The following TRABD2B variants were observed in gnomAD, a reference collection of about 807,000 sequenced individuals.
TRABD2B encodes metalloprotease TIKI2.
TRABD2B carries 14 observed loss-of-function variants against 40.1 expected under a neutral mutation model. The observed-to-expected ratio is 0.35, with a 90% CI of 0.23 to 0.55. TRABD2B has a LOEUF of 0.55. TRABD2B is among the 20% of genes least tolerant of loss of function. The pLI, the probability that TRABD2B is intolerant of heterozygous loss-of-function variation, is 0.90. For missense variants in TRABD2B, 541 were observed against 648.6 expected, an observed-to-expected ratio of 0.83 and a Z score of 1.80; for synonymous variants, 263 against 277.0, an observed-to-expected ratio of 0.95 and a Z score of 0.50.
chr1:47,801,962 C>A (rs911187703), intron 2 of TRABD2B, among the ~76,000 whole-genome samples: 3 of 152,170 alleles, frequency 2.0e-5, no homozygotes, highest in African/African-American at 7.2e-5. Context: ...CTTTGTGTTC[C>A]TGTGCTTAAA....
At chr1:47,865,811 G>A (rs1644047862) in intron 2 of TRABD2B, among the ~76,000 whole-genome samples, 1 of 152,078 alleles carries the variant, frequency 6.6e-6, no homozygotes, top group African/African-American at 2.4e-5. Context: ...GCAGACAAGT[G>A]AGAGTGGCAG....
chr1:47,864,320 C>T (rs550505706), intron 2 of TRABD2B, among the ~76,000 whole-genome samples: 4 of 151,954 alleles, frequency 2.6e-5, no homozygotes, highest in East Asian at 1.9e-4. Flanking sequence ...TTGGTGGACA[C>T]GTGTCAATGA....
chr1:47,796,752 C>T (rs1644753920), intron 3 of TRABD2B, among the ~76,000 whole-genome samples: 1 of 152,192 alleles, frequency 6.6e-6, no homozygotes, highest in Non-Finnish European at 1.5e-5. Context: ...TGCTAGTGCC[C>T]AATCAGAGTT....
intron 2 of TRABD2B, among the ~76,000 whole-genome samples, chr1:47,934,102 T>C (rs1253978639): frequency 1.3e-5 from 2 of 152,262 alleles, no homozygotes; most frequent in Non-Finnish European, 1.5e-5. Flanking sequence ...CTCTTTAGTA[T>C]GTTAATCTTT....
chr1:47,826,452 A>C (rs964911389), intron 2 of TRABD2B, among the ~76,000 whole-genome samples: 2 of 152,144 alleles, frequency 1.3e-5, no homozygotes, highest in Non-Finnish European at 2.9e-5. Flanking sequence ...ATTTATTTCA[A>C]ATAAATAAAA....
At chr1:47,858,177 T>C (rs1643914935) in intron 2 of TRABD2B, among the ~76,000 whole-genome samples, 1 of 151,926 alleles carries the variant, frequency 6.6e-6, no homozygotes, top group African/African-American at 2.4e-5. Context: ...AAGGGGCAAC[T>C]ACAATAGTCA....
In TRABD2B at chr1:47,997,384, A is replaced by G. The variant is rs1416624480; in HGVS notation, c.-595T>C. The G allele has an allele frequency of 7.7e-5, 12 of 156,832 alleles. No homozygotes were observed. Among genetic ancestry groups the G allele is most frequent in the Admixed American group, 6.8e-4 (8 of 11,702 alleles). 9.7% of individuals were successfully genotyped at this position (156,832 alleles called of 1,614,324 possible). Reference sequence around the variant, plus strand: ...CTCCGCGGCCGGGAGGGAGGGAGAGAGGAGGGCGGGAGAGCGGCGCGGAGC... The same window carrying G: ...CTCCGCGGCCGGGAGGGAGGGAGAGGGGAGGGCGGGAGAGCGGCGCGGAGC... On this transcript the variant is annotated 5_prime_UTR_variant, in exon 1 of 7. Coordinates refer to ENST00000606738, the MANE Select transcript of TRABD2B (RefSeq NM_001194986.2).
intron 6 of TRABD2B, among the ~76,000 whole-genome samples, chr1:47,772,668 C>G (rs1463255506): frequency 6.6e-6 from 1 of 152,126 alleles, no homozygotes; most frequent in Non-Finnish European, 1.5e-5. Context: ...GAAGGACTAT[C>G]AGTGGGCCCC....
intron 2 of TRABD2B, among the ~76,000 whole-genome samples, chr1:47,870,696 T>C (rs559162149): frequency 5.9e-4 from 90 of 152,162 alleles, no homozygotes; most frequent in African/African-American, 1.9e-3. Flanking sequence ...TGGCTCAGGG[T>C]CTAGTGTGGG....
At chr1:47,972,440 G>A (rs1452619046) in intron 2 of TRABD2B, among the ~76,000 whole-genome samples, 1 of 152,166 alleles carries the variant, frequency 6.6e-6, no homozygotes, top group East Asian at 1.9e-4. Flanking sequence ...TAGGAGATGG[G>A]GCCTCTGGGA....
chr1:47,776,251 G>A (rs1303742773), intron 5 of TRABD2B, among the ~76,000 whole-genome samples: 1 of 152,240 alleles, frequency 6.6e-6, no homozygotes, highest in East Asian at 1.9e-4. Context: ...CAAAGACAGT[G>A]TTAAGTAGTC....
chr1:47,983,367 G>A (rs1645869090), intron 2 of TRABD2B, among the ~76,000 whole-genome samples: 1 of 152,068 alleles, frequency 6.6e-6, no homozygotes, highest in South Asian at 2.1e-4. Context: ...AAGCAGAAAA[G>A]CTAACTACTG....
At chr1:47,964,046 G>A (rs1645561932) in intron 2 of TRABD2B, among the ~76,000 whole-genome samples, 1 of 152,320 alleles carries the variant, frequency 6.6e-6, no homozygotes, top group South Asian at 2.1e-4. Flanking sequence ...ATTTGTTCTG[G>A]AGTGTTGTTT....
intron 2 of TRABD2B, among the ~76,000 whole-genome samples, chr1:47,875,516 G>A (rs1644210668): frequency 1.3e-5 from 2 of 151,630 alleles, no homozygotes; most frequent in Admixed American, 1.3e-4. Context: ...GCAAAACCCT[G>A]TCTCTACAAA....
intron 2 of TRABD2B, among the ~76,000 whole-genome samples, chr1:47,973,207 T>G (rs751587720): frequency 1.1e-4 from 16 of 152,202 alleles, no homozygotes; most frequent in Non-Finnish European, 2.1e-4. Context: ...GGTATACAGT[T>G]CAATGACAGG....
Position 47,997,203 on chromosome 1 carries a change from G to A in TRABD2B, c.-414C>T. On this transcript the variant is annotated 5_prime_UTR_variant, in exon 1 of 7. Coordinates refer to ENST00000606738, the MANE Select transcript of TRABD2B (RefSeq NM_001194986.2). ...GCACCCGGGGCACGCAAGGGTCCCA[G>A]GGGTGCGCGGCGCTCCAGGAGGCGC... 1.0e-6 allele frequency: 1 copy of A among 983,406 alleles called. No individual in the cohort carries two copies. The highest frequency in any genetic ancestry group is 1.2e-6 in the Non-Finnish European group (1 of 829,218). The allele number at this position is 983,406 out of a possible 1,614,324, so 60.9% of individuals were successfully genotyped here. A position where few individuals can be genotyped will look rare whatever the true frequency, so the allele number is the denominator to read the frequency against.
chr1:47,872,086 G>A (rs1481608048), intron 2 of TRABD2B, among the ~76,000 whole-genome samples: 2 of 152,238 alleles, frequency 1.3e-5, no homozygotes, highest in Non-Finnish European at 2.9e-5. Context: ...GACCAGGTGT[G>A]TGATGTGTCG....
intron 2 of TRABD2B, among the ~76,000 whole-genome samples, chr1:47,990,769 T>TTTTATA (rs200291464): frequency 4.7e-5 from 3 of 64,304 alleles, no homozygotes; most frequent in Admixed American, 1.8e-4. Context: ...AAAACGTTGG[T>TTTTATA]TTTATATATA....
intron 4 of TRABD2B, among the ~76,000 whole-genome samples, chr1:47,786,760 GTGCAGCCTTGGCTCAC>G (rs1405776381): frequency 6.6e-6 from 1 of 152,156 alleles, no homozygotes; most frequent in South Asian, 2.1e-4. Flanking sequence ...CCAGGCTGGA[GTGCAGCCTTGGCTCAC>G]TGCAGCCTTG....
Sources: allele counts gnomAD v4.1 joint callset (sites outside exome capture counted in the v4.1 genomes callset), GRCh38; gene constraint gnomAD v4.1.1; transcripts MANE v1.5; gene names NCBI Gene and HGNC (gene_info 2026-07-23, HGNC 2026-07-21).